NRXN3: variants seen among roughly 807,000 people sequenced by gnomAD.
NRXN3 encodes the protein neurexin 3.
In NRXN3, 32 loss-of-function variants were observed where a neutral mutation model predicts 137.6. The ratio of observed to expected loss-of-function variants is 0.23; its 90% confidence interval spans 0.18 to 0.31. NRXN3 has a LOEUF of 0.31. Ranked by LOEUF, NRXN3 falls within the 10% of genes least tolerant of loss-of-function variation. The pLI is 1.00. For synonymous variants in NRXN3, 798 were observed against 784.5 expected (o/e 1.02, Z -0.29); for missense variants, 1,574 against 2,062.5 (o/e 0.76, Z 4.59).
intron 10 of NRXN3, among the ~76,000 whole-genome samples, chr14:78,811,582 A>G (rs2098913339): frequency 6.6e-6 from 1 of 152,198 alleles, no homozygotes; most frequent in South Asian, 2.1e-4. Flanking sequence ...ATAGTATCTC[A>G]TCATCTTTAA....
At chr14:79,104,550 G>A (rs1327415804) in intron 15 of NRXN3, among the ~76,000 whole-genome samples, 4 of 152,112 alleles carry the variant, frequency 2.6e-5, no homozygotes, top group Admixed American at 1.3e-4. Flanking sequence ...CATTAATGCC[G>A]TGGGTCAGGC....
intron 15 of NRXN3, among the ~76,000 whole-genome samples, chr14:79,008,960 A>T (rs1567973847): frequency 6.6e-6 from 1 of 151,588 alleles, no homozygotes; most frequent in Non-Finnish European, 1.5e-5. Flanking sequence ...CCTGGCCTGA[A>T]TTTTTTTTCT....
chr14:78,522,038 A>G (rs1479857842), intron 4 of NRXN3, among the ~76,000 whole-genome samples: 1 of 152,154 alleles, frequency 6.6e-6, no homozygotes, highest in Admixed American at 6.5e-5. Context: ...TATTTCCTGT[A>G]TCACAGGTTT....
At chr14:79,415,699 C>A (rs1442286809) in intron 15 of NRXN3, among the ~76,000 whole-genome samples, 2 of 152,098 alleles carry the variant, frequency 1.3e-5, no homozygotes, top group East Asian at 3.9e-4. Context: ...CATATCTGTA[C>A]ATTCATGTAA....
chr14:78,840,227 C>CA (rs2099008489), intron 10 of NRXN3, among the ~76,000 whole-genome samples: 1 of 152,098 alleles, frequency 6.6e-6, no homozygotes, highest in Non-Finnish European at 1.5e-5. Flanking sequence ...GTCAAAGAGG[C>CA]ATTTATTAAA....
At chr14:78,578,169 A>G (rs896806139) in intron 4 of NRXN3, among the ~76,000 whole-genome samples, 2 of 152,204 alleles carry the variant, frequency 1.3e-5, no homozygotes, top group African/African-American at 4.8e-5. Context: ...AAGGCTCCCA[A>G]GTGGATGCAT....
chr14:79,476,543 T>C (rs2096561410), intron 16 of NRXN3, among the ~76,000 whole-genome samples: 1 of 152,160 alleles, frequency 6.6e-6, no homozygotes, highest in South Asian at 2.1e-4. Flanking sequence ...TAATTCAGTT[T>C]ATTTTTCCTC....
At chr14:79,078,125 G>T (rs1403332995) in intron 15 of NRXN3, among the ~76,000 whole-genome samples, 1 of 152,090 alleles carries the variant, frequency 6.6e-6, no homozygotes, top group African/African-American at 2.4e-5. Flanking sequence ...AATGACACTT[G>T]AAAGATGCCT....
intron 16 of NRXN3, among the ~76,000 whole-genome samples, chr14:79,583,877 A>G (rs924846102): frequency 1.3e-5 from 2 of 152,168 alleles, no homozygotes; most frequent in African/African-American, 4.8e-5. Flanking sequence ...TGAAGCCTCT[A>G]TTTGGAAACT....
chr14:78,986,654 A>G (rs566017489), intron 14 of NRXN3, among the ~76,000 whole-genome samples: 10 of 152,212 alleles, frequency 6.6e-5, no homozygotes, highest in Admixed American at 5.9e-4. Context: ...AAGAAACACA[A>G]TTTCTAATAT....
At chr14:79,348,719 A>G (rs2093038288) in intron 15 of NRXN3, among the ~76,000 whole-genome samples, 3 of 152,160 alleles carry the variant, frequency 2.0e-5, no homozygotes, top group Non-Finnish European at 4.4e-5. Flanking sequence ...AGTCGCCACA[A>G]TATGGAAATG....
chr14:78,497,015 A>G (rs1285641103), intron 4 of NRXN3, among the ~76,000 whole-genome samples: 3 of 152,082 alleles, frequency 2.0e-5, no homozygotes, highest in Non-Finnish European at 4.4e-5. Context: ...TTCTTGCCCT[A>G]TGATTCCAGT....
At chr14:79,712,720 A>ATTAT (rs1237046532) in intron 19 of NRXN3, among the ~76,000 whole-genome samples, 5 of 152,006 alleles carry the variant, frequency 3.3e-5, no homozygotes, top group Admixed American at 6.5e-5. Context: ...ACAGGACTCC[A>ATTAT]TTATTTCTTT....
At chr14:79,549,884 T>C (rs533113361) in intron 16 of NRXN3, among the ~76,000 whole-genome samples, 8 of 152,158 alleles carry the variant, frequency 5.3e-5, no homozygotes, top group African/African-American at 1.7e-4. Flanking sequence ...AGAGGCTGAT[T>C]TGGGAAAGTT....
chr14:79,859,158 T>A (rs1365653087), intron 20 of NRXN3, among the ~76,000 whole-genome samples: 4 of 152,152 alleles, frequency 2.6e-5, no homozygotes, highest in South Asian at 4.1e-4. Context: ...GGTATTTTTT[T>A]AAATTTCATA....
intron 15 of NRXN3, among the ~76,000 whole-genome samples, chr14:79,361,895 A>G (rs1282551192): frequency 6.6e-6 from 1 of 152,096 alleles, no homozygotes; most frequent in Non-Finnish European, 1.5e-5. Context: ...GCTGCAATCT[A>G]TGACTTTGCA....
At chr14:79,658,179 G>C (rs2098515870) in intron 16 of NRXN3, among the ~76,000 whole-genome samples, 1 of 152,018 alleles carries the variant, frequency 6.6e-6, no homozygotes, top group African/African-American at 2.4e-5. Context: ...AGTCAGACCT[G>C]GATTCTATTT....
chr14:79,761,393 T>C (rs944779104), intron 19 of NRXN3, among the ~76,000 whole-genome samples: 2 of 151,614 alleles, frequency 1.3e-5, no homozygotes, highest in African/African-American at 4.9e-5. Flanking sequence ...TCTATTTTTT[T>C]CCAAACATCT....
chr14:79,030,260 T>C (rs951754105), intron 15 of NRXN3, among the ~76,000 whole-genome samples: 2 of 151,890 alleles, frequency 1.3e-5, no homozygotes, highest in Non-Finnish European at 2.9e-5. Context: ...ATTGTCACAA[T>C]AAAAAAATCT....
Sources: allele counts gnomAD v4.1 joint callset (sites outside exome capture counted in the v4.1 genomes callset), GRCh38; gene constraint gnomAD v4.1.1; transcripts MANE v1.5; gene names NCBI Gene and HGNC (gene_info 2026-07-23, HGNC 2026-07-21).